KNDC1: variants seen among roughly 807,000 people sequenced by gnomAD.
The protein encoded by KNDC1 is kinase non-catalytic C-lobe domain-containing protein 1.
A neutral mutation model predicts 172.8 loss-of-function variants in KNDC1; 106 were observed. The ratio of observed to expected loss-of-function variants is 0.61; its 90% CI spans 0.52 to 0.72. The LOEUF is 0.72. KNDC1 is among the 30% of genes least tolerant of loss of function. KNDC1 has a pLI of 0.00. For synonymous variants in KNDC1, 1,083 were observed against 1,062.2 expected (o/e 1.02, Z -0.38); for missense variants, 2,325 against 2,394.5 (o/e 0.97, Z 0.61).
chr10:133,210,845 G>A, intron 21 of KNDC1, 121 bp downstream of exon 21: 1 of 836,396 alleles, frequency 1.2e-6, no homozygotes, highest in Non-Finnish European at 2.1e-6. Flanking sequence ...AGGGGGTGAG[G>A]GGCCAGGGAA....
chr10:133,219,844 T>C lies in KNDC1; in HGVS notation c.4861-111T>C. 6 of 1,076,712 alleles carry C rather than the reference T, an allele frequency of 5.6e-6. 1 individual carries two copies. Among genetic ancestry groups the C allele is most frequent in the Non-Finnish European group, 7.7e-6 (6 of 776,434 alleles). The allele number at this position is 1,076,712 out of a possible 1,614,324, so 66.7% of individuals were successfully genotyped here. A position where few individuals can be genotyped will look rare whatever the true frequency, so the allele number is the denominator to read the frequency against. ...CAGAGAGCCGGGTAGACCCCGTGCG[T>C]GGAGAACGCAGGACCCGCTGGGACT... On this transcript the variant is annotated intron_variant, in intron 28 of 29. Transcript: ENST00000304613.
intron 17 of KNDC1, 78 bp from the exon 18 acceptor site, chr10:133,206,607 T>C: frequency 6.0e-6 from 7 of 1,162,854 alleles, no homozygotes; most frequent in Non-Finnish European, 9.0e-6. Context: ...GAGGCCCCAG[T>C]GGGGTGGGGC....
At position 133,201,569 on chromosome 10, in the gene KNDC1, G is replaced by A. The variant is rs368840699; in HGVS notation, c.3058G>A (p.Val1020Met). The A allele has an allele frequency of 1.2e-5, 20 of 1,612,646 alleles. No homozygotes were observed. The highest frequency in any genetic ancestry group is 1.7e-5 in the Non-Finnish European group (20 of 1,179,912). The change falls in exon 17 of 30, where the codon GTG becomes ATG. Residue 1020 changes from valine (V) to methionine (M), a missense_variant. Val to Met is a conservative substitution (Grantham distance 21). Transcript: ENST00000304613. ...CTGCTCACCCACCTCGGTGTCGGAT[G>A]TGGACTCGGACGCACTGTCACGGGG... ...APCSPTSVSDVDSDALSRGNF... is the reference protein window; with the variant it reads ...APCSPTSVSDMDSDALSRGNF...
chr10:133,211,146 G>T (rs535735356), intron 21 of KNDC1, among the ~76,000 whole-genome samples: 14 of 152,044 alleles, frequency 9.2e-5, no homozygotes, highest in Admixed American at 3.3e-4. Context: ...GTGGGCTGAG[G>T]GGGGAGGGGC....
intron 3 of KNDC1, among the ~76,000 whole-genome samples, chr10:133,177,491 GGT>G (rs1043446390): frequency 7.2e-5 from 11 of 151,992 alleles, no homozygotes; most frequent in Admixed American, 3.3e-4. Context: ...CATGTAGTAT[GGT>G]GTGTGTCATG....
At chr10:133,183,288 G>C in intron 3 of KNDC1, 56 bp from the exon 4 acceptor site, 1 of 1,503,234 alleles carries the variant, frequency 6.7e-7, no homozygotes, top group Non-Finnish European at 8.9e-7. Context: ...TGCTGGCCGC[G>C]GTCGGGGTGG....
chr10:133,167,319 TG>T, intron 1 of KNDC1, 61 bp from the exon 2 acceptor site: 2 of 1,468,814 alleles, frequency 1.4e-6, no homozygotes, highest in Non-Finnish European at 9.2e-7. Context: ...ATCGTCTCGG[TG>T]GGGGTGCCGG....
Position 133,223,782 on chromosome 10 carries a change from TGTGA to T in KNDC1, c.5019-875_5019-872del, listed in dbSNP as rs1479710882. Among the ~76,000 whole-genome samples the T allele has an allele frequency of 4.4e-5, 3 of 67,478 alleles. No individual in the cohort carries two copies. In the East Asian group the frequency reaches 1.4e-3, roughly 32 times the overall value. The allele number at this position is 67,478 out of a possible 152,430, so 44.3% of individuals were successfully genotyped here. A position where few individuals can be genotyped will look rare whatever the true frequency, so the allele number is the denominator to read the frequency against. On this transcript the variant is annotated intron_variant, in intron 29 of 29. Transcript: ENST00000304613. Reference sequence around the variant, plus strand: ...ATGCTCTTCCCGGCGTGTGTGTGTGTGTGAGAGCCCATCCAGGCATGCTCTTCCC... The same window carrying T: ...ATGCTCTTCCCGGCGTGTGTGTGTGTGAGCCCATCCAGGCATGCTCTTCCC...
chr10:133,189,798 G>A lies in KNDC1; in HGVS notation c.1560G>A (p.Arg520=). 3.7e-6 allele frequency: 6 copies of A among 1,613,806 alleles called. No homozygotes were observed. The highest frequency in any genetic ancestry group is 5.1e-6 in the Non-Finnish European group (6 of 1,179,962). The change falls in exon 9 of 30, where the codon AGG becomes AGA. Residue 520 remains arginine (R), a synonymous_variant. Transcript: ENST00000304613. ...FFLAPELAEE[R]LVTEKASVYC... is the part of the protein sequence containing the mutation. ...TGGCTCCCGAGCTGGCAGAGGAGAG[G>A]CTGGTAACTGAAAAGGTACCCGGGC...
Position 133,198,865 on chromosome 10 carries a change from C to T in KNDC1, c.2357C>T (p.Pro786Leu). Residue 786 changes from proline to leucine, a missense_variant, in exon 14 of 30, where the codon CCC (proline) becomes CTC (leucine). Transcript: ENST00000304613. ...CCCGGCTCTCCAGTCCCCGCCCCGC[C>T]CACGAAGGCATCTGCGCTGCCCGTA... is the stretch of plus-strand genomic sequence containing the variant. ...AAPGSPVPAP[P>L]TKASALPVEQ... 1 of 1,599,330 alleles carries T rather than the reference C, an allele frequency of 6.3e-7. No individual in the cohort carries two copies. The highest frequency in any genetic ancestry group is 8.5e-7 in the Non-Finnish European group (1 of 1,176,408).
In KNDC1 at chr10:133,211,439, C is replaced by G; in HGVS notation, c.3926C>G (p.Thr1309Ser). 2 of 1,613,400 alleles carry G rather than the reference C, an allele frequency of 1.2e-6. No homozygotes were observed. Among genetic ancestry groups the G allele is most frequent in the Middle Eastern group, 3.3e-4 (2 of 5,988 alleles). Reference sequence around the variant, plus strand: ...GTCTCCAGGGCCCACCAGGACCCCACCTCGACCTTCACCAAGATCTACAGG... The same window carrying G: ...GTCTCCAGGGCCCACCAGGACCCCAGCTCGACCTTCACCAAGATCTACAGG... Reference protein sequence around the residue: ...STLTRAHQDPTSTFTKIYRRS... With the variant: ...STLTRAHQDPSSTFTKIYRRS... The change falls in exon 22 of 30, where the codon ACC (threonine) becomes AGC (serine). Residue 1309 changes from threonine (T) to serine (S), a missense_variant. Coordinates refer to ENST00000304613, the MANE Select transcript of KNDC1 (RefSeq NM_152643.8).
intron 3 of KNDC1, among the ~76,000 whole-genome samples, chr10:133,177,487 G>C (rs1853573737): frequency 6.6e-6 from 1 of 152,128 alleles, no homozygotes; most frequent in Non-Finnish European, 1.5e-5. Flanking sequence ...CATGCATGTA[G>C]TATGGTGTGT....
intron 3 of KNDC1, among the ~76,000 whole-genome samples, chr10:133,181,304 A>C (rs1386659449): frequency 6.6e-6 from 1 of 152,236 alleles, no homozygotes; most frequent in Admixed American, 6.5e-5. Flanking sequence ...CAGGTCCCCC[A>C]GGGAGGCGGA....
In KNDC1 at chr10:133,219,051, A is replaced by G; in HGVS notation, c.4821A>G (p.Ala1607=). The part of the protein sequence containing the change: ...RQSPAWRILP[A]KIAEVMEELK... ...TTCAGGCCTGGAGAATTCTGCCTGC[A>G]AAGATAGCAGAGGTCATGGAGGAGC... Residue 1607 remains alanine (A), a synonymous_variant, in exon 28 of 30, where the codon GCA becomes GCG. Transcript: ENST00000304613. 1 of 1,614,062 alleles carries G rather than the reference A, an allele frequency of 6.2e-7. No homozygotes were observed. Among genetic ancestry groups the G allele is most frequent in the Non-Finnish European group, 8.5e-7 (1 of 1,179,982 alleles).
At chr10:133,186,884 G>A (rs916562578) in intron 6 of KNDC1, among the ~76,000 whole-genome samples, 3 of 152,184 alleles carry the variant, frequency 2.0e-5, no homozygotes, top group South Asian at 4.1e-4. Context: ...GTGGCCTCTC[G>A]GGTAGACGTT....
At chr10:133,172,318 C>T (rs1047500643) in intron 3 of KNDC1, among the ~76,000 whole-genome samples, 1 of 152,236 alleles carries the variant, frequency 6.6e-6, no homozygotes, top group Non-Finnish European at 1.5e-5. Context: ...GTTTCTTCTG[C>T]ATCCTTTGAC....
At chr10:133,206,829 C>A in intron 18 of KNDC1, 27 bp from the exon 19 acceptor site, 2 of 1,611,810 alleles carry the variant, frequency 1.2e-6, no homozygotes, top group East Asian at 4.5e-5. Context: ...GGCAGCCCGG[C>A]CCCCACCCAC....
Position 133,186,631 on chromosome 10 carries a change from T to A in KNDC1, c.1283T>A (p.Ile428Asn), listed in dbSNP as rs774119251. ...EAQTPRDDER[I>N]PEGARQLESA... ...CAGACTCCCAGGGACGATGAGAGAA[T>A]TCCAGAAGGAGCTAGGCAGCTGGAA... is the stretch of plus-strand genomic sequence containing the variant. Residue 428 changes from isoleucine to asparagine, a missense_variant, in exon 6 of 30, where the codon ATT (isoleucine) becomes AAT (asparagine). Transcript: ENST00000304613. The A allele has an allele frequency of 6.3e-7, 1 of 1,595,532 alleles. No homozygotes were observed. Among genetic ancestry groups the A allele is most frequent in the East Asian group, 2.2e-5 (1 of 44,830 alleles).
chr10:133,197,581 G>T, intron 11 of KNDC1, 94 bp from the exon 12 acceptor site: 2 of 919,086 alleles, frequency 2.2e-6, no homozygotes, highest in Non-Finnish European at 3.5e-6. Flanking sequence ...GAAGCTCCAC[G>T]GCACCGGCGG....
Sources: allele counts gnomAD v4.1 joint callset (sites outside exome capture counted in the v4.1 genomes callset), GRCh38; gene constraint gnomAD v4.1.1; transcripts MANE v1.5; gene names NCBI Gene and HGNC (gene_info 2026-07-23, HGNC 2026-07-21).